Variants in STPG2 observed in about 807,000 individuals in gnomAD.
STPG2 encodes sperm-tail PG-rich repeat-containing protein 2.
STPG2 carries 56 observed loss-of-function variants against 54.2 expected under a neutral mutation model. The observed-to-expected ratio is 1.03, with a 90% CI of 0.83 to 1.29. The LOEUF (loss-of-function observed/expected upper bound fraction) is 1.29. Ranked by LOEUF, STPG2 falls within the 50% of genes most tolerant of loss-of-function variation. The pLI, the probability that STPG2 is intolerant of heterozygous loss-of-function variation, is 0.00. For synonymous variants in STPG2, 200 were observed against 181.8 expected (o/e 1.10, Z -0.81); for missense variants, 596 against 544.9 (o/e 1.09, Z -0.93).
intron 10 of STPG2, among the ~76,000 whole-genome samples, chr4:97,694,410 T>C (rs530024581): frequency 4.8e-4 from 72 of 151,536 alleles, no homozygotes; most frequent in Middle Eastern, 3.4e-3. Flanking sequence ...AAAGAGGAGA[T>C]GGATAAATTC....
At chr4:97,841,970 C>G (rs1728813424) in intron 8 of STPG2, among the ~76,000 whole-genome samples, 1 of 151,788 alleles carries the variant, frequency 6.6e-6, no homozygotes, top group South Asian at 2.1e-4. Flanking sequence ...CCTGACCAAT[C>G]AGGGTTTGAG....
At position 98,006,681 on chromosome 4, in the gene STPG2, G is replaced by A. The variant is rs538366403; in HGVS notation, c.613-25363C>T. Among the ~76,000 whole-genome samples, 7 of 152,280 alleles carry A rather than the reference G, an allele frequency of 4.6e-5. No individual in the cohort carries two copies. In the South Asian group the frequency reaches 1.0e-3, roughly 23 times the overall value. On this transcript the variant is annotated intron_variant, in intron 5 of 10. Coordinates refer to ENST00000295268, the MANE Select transcript of STPG2 (RefSeq NM_174952.3). The stretch of plus-strand genomic sequence containing the variant: ...CTACCACTTCACAGGACAAGAACAG[G>A]AAGAGATTTGCTGACAAGCTCTGAT...
At position 97,485,994 on chromosome 4, in the gene STPG2, AG is replaced by A. The variant is rs577586640; in HGVS notation, c.462+226704del. The stretch of plus-strand genomic sequence containing the variant: ...TTGGGATAATTGCCCAGCCATATGT[AG>A]GAGAATGAAAATGGATCCTCATCTC... On this transcript the variant is annotated intron_variant, in intron 4 of 4. Coordinates refer to the STPG2 transcript ENST00000522676. Among the ~76,000 whole-genome samples, 637 of 152,070 alleles carry A rather than the reference AG, an allele frequency of 4.2e-3. 3 individuals carry two copies. Among genetic ancestry groups the A allele is most frequent in the South Asian group, 0.02 (98 of 4,830 alleles).
At chr4:97,541,735 A>C (rs905408367) in intron 4 of STPG2, among the ~76,000 whole-genome samples, 28 of 152,208 alleles carry the variant, frequency 1.8e-4, no homozygotes, top group Non-Finnish European at 8.8e-5. Flanking sequence ...ACAAGGCTAC[A>C]GTAACCAAAA....
At chr4:97,782,319 C>A (rs1726664961) in intron 9 of STPG2, among the ~76,000 whole-genome samples, 1 of 152,100 alleles carries the variant, frequency 6.6e-6, no homozygotes, top group Non-Finnish European at 1.5e-5. Context: ...GAGTGAACTC[C>A]CATTCACAAT....
At chr4:97,765,044 A>T (rs1302789456) in intron 9 of STPG2, among the ~76,000 whole-genome samples, 1 of 152,108 alleles carries the variant, frequency 6.6e-6, no homozygotes. Context: ...TGTTCAATTG[A>T]CTTAGCATGG....
At chr4:97,702,466 C>A (rs1194319791) in intron 10 of STPG2, among the ~76,000 whole-genome samples, 2 of 152,076 alleles carry the variant, frequency 1.3e-5, no homozygotes, top group Non-Finnish European at 2.9e-5. Context: ...CTCTAGTGAC[C>A]CACTGGGACT....
chr4:97,885,643 T>C (rs560403340), intron 8 of STPG2, among the ~76,000 whole-genome samples: 2 of 152,296 alleles, frequency 1.3e-5, no homozygotes, highest in South Asian at 4.1e-4. Context: ...TACACAGATT[T>C]TTTTCAACCA....
intron 9 of STPG2, among the ~76,000 whole-genome samples, chr4:97,744,996 T>C (rs1725378721): frequency 6.6e-6 from 1 of 151,362 alleles, no homozygotes; most frequent in African/African-American, 2.4e-5. Context: ...CTCCAGTTAC[T>C]AATGAGATGT....
chr4:97,795,488 T>C (rs1560531157), intron 9 of STPG2, among the ~76,000 whole-genome samples: 1 of 152,212 alleles, frequency 6.6e-6, no homozygotes, highest in African/African-American at 2.4e-5. Flanking sequence ...AGAATGATGG[T>C]TTCCAGCTTC....
chr4:97,882,299 G>T (rs1730407061), intron 8 of STPG2, among the ~76,000 whole-genome samples: 1 of 151,966 alleles, frequency 6.6e-6, no homozygotes, highest in African/African-American at 2.4e-5. Flanking sequence ...GTAGACCTTG[G>T]GGAGGAAAAT....
intron 7 of STPG2, among the ~76,000 whole-genome samples, chr4:97,955,215 T>TTC (rs1733631641): frequency 1.0e-5 from 1 of 98,152 alleles, no homozygotes; most frequent in Non-Finnish European, 1.9e-5. Flanking sequence ...ACAGAAGAAT[T>TTC]TTTTTTTTTT....
At chr4:97,611,492 G>A (rs1733729523) in intron 10 of STPG2, among the ~76,000 whole-genome samples, 1 of 151,834 alleles carries the variant, frequency 6.6e-6, no homozygotes, top group African/African-American at 2.4e-5. Context: ...CAATATTAAA[G>A]TTGTGGTATA....
chr4:97,456,451 C>CCACAAAG (rs1729521089), intron 4 of STPG2, among the ~76,000 whole-genome samples: 1 of 152,068 alleles, frequency 6.6e-6, no homozygotes, highest in African/African-American at 2.4e-5. Context: ...CAGTTACCTC[C>CCACAAAG]CACCAAGCAC....
At chr4:97,648,183 A>G (rs1721964929) in intron 10 of STPG2, among the ~76,000 whole-genome samples, 1 of 152,084 alleles carries the variant, frequency 6.6e-6, no homozygotes. Flanking sequence ...CAACAGATAT[A>G]GACATATTTC....
chr4:97,652,165 G>A (rs1004304603), intron 10 of STPG2, among the ~76,000 whole-genome samples: 1 of 151,766 alleles, frequency 6.6e-6, no homozygotes, highest in African/African-American at 2.4e-5. Flanking sequence ...AAAGTTTTAT[G>A]GAGTTTATAA....
chr4:98,099,888 A>G (rs999552149), intron 5 of STPG2, among the ~76,000 whole-genome samples: 2 of 152,196 alleles, frequency 1.3e-5, no homozygotes, highest in African/African-American at 2.4e-5. Context: ...TAAAATAACT[A>G]CAAGAGTATA....
intron 10 of STPG2, among the ~76,000 whole-genome samples, chr4:97,603,537 C>T (rs1733517858): frequency 6.6e-6 from 1 of 151,396 alleles, no homozygotes; most frequent in South Asian, 2.1e-4. Flanking sequence ...TTCAAGATAG[C>T]TAAAATGTGG....
intron 8 of STPG2, among the ~76,000 whole-genome samples, chr4:97,942,627 C>A (rs866450076): frequency 6.6e-6 from 1 of 152,016 alleles, no homozygotes; most frequent in Non-Finnish European, 1.5e-5. Flanking sequence ...CCAAATTAAT[C>A]TAATTGCTAT....
Sources: gnomAD v4.1 joint callset for allele counts (sites outside exome capture counted in the v4.1 genomes callset) on GRCh38, gnomAD v4.1.1 for gene constraint, MANE v1.5 for transcripts, NCBI Gene and HGNC (gene_info 2026-07-23, HGNC 2026-07-21) for gene names.